The following BCL2L1 variants were observed in gnomAD, a reference collection of about 807,000 sequenced individuals.
BCL2L1 encodes BCL2 like 1.
A neutral mutation model predicts 18.7 loss-of-function variants in BCL2L1; 1 was observed. The observed-to-expected ratio is 0.05, with a 90% confidence interval of 0.02 to 0.25. The LOEUF (loss-of-function observed/expected upper bound fraction) is 0.25, where lower values mean the gene tolerates loss of function less well. Among genes scored for constraint, BCL2L1 ranks in the 10% least tolerant of loss-of-function variants. The probability of loss-of-function intolerance (pLI) is 1.00; values close to 1 mark genes in which losing one functional copy is unlikely to be tolerated. For missense variants in BCL2L1, 207 were observed against 304.9 expected (o/e 0.68, Z 2.39); for synonymous variants, 103 against 122.7 (o/e 0.84, Z 1.06).
intron 2 of BCL2L1, among the ~76,000 whole-genome samples, chr20:31,696,656 T>A (rs1055077811): frequency 1.3e-5 from 2 of 152,292 alleles, no homozygotes; most frequent in East Asian, 3.9e-4. Context: ...CTAACGCCTG[T>A]AATCGCAGCA....
chr20:31,680,456 TC>T (rs958216556), intron 2 of BCL2L1, among the ~76,000 whole-genome samples: 17 of 152,204 alleles, frequency 1.1e-4, no homozygotes, highest in Admixed American at 5.2e-4. Context: ...GAACCCACTT[TC>T]CCCTAAGCCA....
chr20:31,718,910 G>A (rs2061580501), intron 2 of BCL2L1, among the ~76,000 whole-genome samples: 1 of 152,238 alleles, frequency 6.6e-6, no homozygotes, highest in Admixed American at 6.5e-5. Context: ...GGGCCAGCAT[G>A]TCTAGGTCAC....
chr20:31,675,557 CTGTTGGCTCCCGAGA>C (rs2060745580), intron 2 of BCL2L1, among the ~76,000 whole-genome samples: 2 of 152,178 alleles, frequency 1.3e-5, no homozygotes, highest in South Asian at 4.1e-4. Flanking sequence ...CCCAGGGGAG[CTGTTGGCTCCCGAGA>C]TGTGAGAAGA....
intron 2 of BCL2L1, chr20:31,720,024 AG>A: frequency 1.1e-6 from 1 of 905,802 alleles, no homozygotes; most frequent in Non-Finnish European, 1.3e-6. Context: ...ACAAACCAAC[AG>A]GAACTATTTA....
At chr20:31,712,629 A>T (rs1007750798) in intron 2 of BCL2L1, among the ~76,000 whole-genome samples, 1 of 152,160 alleles carries the variant, frequency 6.6e-6, no homozygotes, top group African/African-American at 2.4e-5. Context: ...GACTCTATGG[A>T]AAGGACACGA....
intron 2 of BCL2L1, among the ~76,000 whole-genome samples, chr20:31,708,238 G>A (rs1458492082): frequency 6.6e-6 from 1 of 152,186 alleles, no homozygotes; most frequent in Non-Finnish European, 1.5e-5. Flanking sequence ...ACAGAAGGGG[G>A]CAAGGGCATG....
chr20:31,666,915 CCAGCCCAGGGTGCAG>C (rs1267811766), intron 2 of BCL2L1, among the ~76,000 whole-genome samples: 59 of 152,242 alleles, frequency 3.9e-4, no homozygotes, highest in African/African-American at 1.2e-3. Context: ...GCTAAATTAC[CCAGCCCAGGGTGCAG>C]CAGCCTGTGG....
upstream of BCL2L1, chr20:31,723,721 G>A (rs113186752): frequency 6.2e-4 from 608 of 985,498 alleles, 4 homozygotes; most frequent in African/African-American, 9.9e-3. Context: ...GCACAGGGGA[G>A]GCGGCGCTCT....
At chr20:31,691,209 A>G (rs986246094) in intron 2 of BCL2L1, among the ~76,000 whole-genome samples, 4 of 146,296 alleles carry the variant, frequency 2.7e-5, no homozygotes, top group Non-Finnish European at 6.0e-5. Flanking sequence ...TACAGTATAT[A>G]CAATAAGCTC....
intron 2 of BCL2L1, among the ~76,000 whole-genome samples, chr20:31,668,955 C>T (rs1014125967): frequency 2.0e-5 from 3 of 151,992 alleles, no homozygotes; most frequent in Non-Finnish European, 4.4e-5. Context: ...TGACTTTGAA[C>T]TCCTGGACTC....
intron 2 of BCL2L1, among the ~76,000 whole-genome samples, chr20:31,704,874 AAG>A (rs2061347194): frequency 1.3e-5 from 2 of 152,236 alleles, no homozygotes; most frequent in Admixed American, 6.5e-5. Context: ...TTACTAAAGA[AAG>A]AGAATATTCT....
intron 2 of BCL2L1, among the ~76,000 whole-genome samples, chr20:31,712,767 C>T (rs774820025): frequency 2.4e-4 from 37 of 152,076 alleles, no homozygotes; most frequent in Middle Eastern, 3.4e-3. Flanking sequence ...AACAAAGGCA[C>T]GTGTGTATGT....
intron 2 of BCL2L1, among the ~76,000 whole-genome samples, chr20:31,691,295 C>T (rs1352078056): frequency 2.0e-5 from 3 of 149,536 alleles, no homozygotes; most frequent in Non-Finnish European, 4.4e-5. Context: ...TGGAGGCTCA[C>T]TTGAGGTCAG....
intron 2 of BCL2L1, among the ~76,000 whole-genome samples, chr20:31,700,058 A>G (rs1281460220): frequency 1.3e-5 from 2 of 152,166 alleles, no homozygotes; most frequent in African/African-American, 4.8e-5. Flanking sequence ...TCTGTACAGC[A>G]TTTAACCCAA....
chr20:31,708,612 C>G (rs927743321), intron 2 of BCL2L1, among the ~76,000 whole-genome samples: 1 of 152,166 alleles, frequency 6.6e-6, no homozygotes, highest in African/African-American at 2.4e-5. Flanking sequence ...CCAAACTGAC[C>G]CCTCCCCCCA....
chr20:31,664,587 G>A lies in BCL2L1; in HGVS notation c.*1362C>T, dbSNP rs1046098430. The A allele has an allele frequency of 4.8e-5, 10 of 206,680 alleles. No homozygotes were observed. The South Asian group carries it at 9.5e-4, about 20-fold the overall frequency. The allele number at this position is 206,680 out of a possible 1,614,324, so 12.8% of individuals were successfully genotyped here. On this transcript the variant is annotated 3_prime_UTR_variant, in exon 3 of 3. Transcript: ENST00000307677. Reference sequence around the variant, plus strand: ...ATGCCCCTCAGGAGCCAGGACCCTCGGCCAGCTTCCCTGGACCAGGGCAGG... The same window carrying A: ...ATGCCCCTCAGGAGCCAGGACCCTCAGCCAGCTTCCCTGGACCAGGGCAGG...
At position 31,721,990 on chromosome 20, in the gene BCL2L1, C is replaced by A; in HGVS notation, c.229G>T (p.Ala77Ser). The A allele has an allele frequency of 6.2e-7, 1 of 1,614,114 alleles. No individual in the cohort carries two copies. The change falls in exon 2 of 3, where the codon GCC (alanine) becomes TCC (serine). Residue 77 changes from alanine (A) to serine (S), a missense_variant. Physicochemically the swap from Ala to Ser is moderately conservative, Grantham distance 99 (BLOSUM62 1). Coordinates refer to ENST00000307677, the MANE Select transcript of BCL2L1 (RefSeq NM_138578.3). ...GCTGCCATGGGGATCACCTCCCGGG[C>A]ATCCAAACTGCTGCTGTGGCCAGTG... ...GATGHSSSLD[A>S]REVIPMAAVK...
chr20:31,708,621 C>G (rs542363661), intron 2 of BCL2L1, among the ~76,000 whole-genome samples: 3 of 152,192 alleles, frequency 2.0e-5, no homozygotes, highest in Admixed American at 6.5e-5. Context: ...CCCCTCCCCC[C>G]AGCTGAGCCC....
chr20:31,722,486 A>C, intron 1 of BCL2L1, 132 bp downstream of exon 1: 3 of 299,804 alleles, frequency 1.0e-5, no homozygotes, highest in African/African-American at 2.1e-5. Flanking sequence ...CTTAAGTCAA[A>C]TCGAAAGCAC....
Sources: allele counts gnomAD v4.1 joint callset (sites outside exome capture counted in the v4.1 genomes callset), GRCh38; gene constraint gnomAD v4.1.1; transcripts MANE v1.5; gene names NCBI Gene and HGNC (gene_info 2026-07-23, HGNC 2026-07-21).